Variants in TANC1 observed in about 807,000 individuals in gnomAD.
The protein encoded by TANC1 is protein TANC1.
A neutral mutation model predicts 149.7 loss-of-function variants in TANC1; 77 were observed. The observed-to-expected ratio is 0.51, with a 90% CI of 0.43 to 0.62. The LOEUF is 0.62. Among genes scored for constraint, TANC1 ranks in the 20% least tolerant of loss-of-function variants. TANC1 has a pLI of 0.00. For missense variants in TANC1, 1,985 were observed against 2,321.8 expected, an observed-to-expected ratio of 0.85 and a Z score of 2.98; for synonymous variants, 854 against 925.0, an observed-to-expected ratio of 0.92 and a Z score of 1.39.
At chr2:159,017,188 A>G (rs962205173) in intron 2 of TANC1, among the ~76,000 whole-genome samples, 1 of 152,172 alleles carries the variant, frequency 6.6e-6, no homozygotes, top group Non-Finnish European at 1.5e-5. Flanking sequence ...TTGAGGGTTT[A>G]TTATATGGGA....
rs945228929 is a variant in TANC1 at position 159,095,338 on chromosome 2, G to A, written c.62-2299G>A. ...TTAGTTTCCCAGGTTTATAAAAACC[G>A]TCCATGCATAGGTAACCCAGGAGAG... On this transcript the variant is annotated intron_variant, in intron 3 of 26. Coordinates refer to ENST00000263635, the MANE Select transcript of TANC1 (RefSeq NM_033394.3). Among the ~76,000 whole-genome samples, 13 of 152,290 alleles carry A rather than the reference G, an allele frequency of 8.5e-5. No individual in the cohort carries two copies. The South Asian group carries it at 1.9e-3, about 22-fold the overall frequency.
chr2:158,995,917 C>T lies in TANC1; in HGVS notation c.-125-5163C>T, dbSNP rs149069357. On this transcript the variant is annotated intron_variant, in intron 1 of 26. Coordinates refer to ENST00000263635, the MANE Select transcript of TANC1 (RefSeq NM_033394.3). Reference sequence around the variant, plus strand: ...CTGGCCTGGCTCAGCCGTGGGTGCACTCTGCCTGGTCCACAGAAACTGATT... The same window carrying T: ...CTGGCCTGGCTCAGCCGTGGGTGCATTCTGCCTGGTCCACAGAAACTGATT... 1.5e-4 allele frequency among the ~76,000 whole-genome samples: 23 copies of T among 152,380 alleles called. No homozygotes were observed. In the East Asian group the frequency reaches 4.2e-3, roughly 28 times the overall value.
chr2:159,005,342 G>A (rs928507511), intron 2 of TANC1, among the ~76,000 whole-genome samples: 57 of 152,248 alleles, frequency 3.7e-4, no homozygotes, highest in African/African-American at 1.3e-3. Flanking sequence ...TATAATCCGC[G>A]CACTTTGGGA....
chr2:159,006,288 T>C (rs771355562), intron 2 of TANC1, among the ~76,000 whole-genome samples: 1 of 132,390 alleles, frequency 7.6e-6, no homozygotes, highest in Non-Finnish European at 1.6e-5. Flanking sequence ...AGAGTGAGAC[T>C]TAGTCTCAAA....
At chr2:159,204,094 T>C (rs1424241993) in intron 19 of TANC1, among the ~76,000 whole-genome samples, 1 of 152,232 alleles carries the variant, frequency 6.6e-6, no homozygotes, top group African/African-American at 2.4e-5. Flanking sequence ...CTCATCTTAA[T>C]TTATCTAAAT....
chr2:159,140,457 C>A (rs895522766), intron 5 of TANC1, among the ~76,000 whole-genome samples: 10 of 152,066 alleles, frequency 6.6e-5, no homozygotes, highest in African/African-American at 2.4e-4. Context: ...AGTAGAGTAT[C>A]CATTCATTCT....
At position 159,196,461 on chromosome 2, in the gene TANC1, G is replaced by T. The variant is rs1014097112; in HGVS notation, c.2980-147G>T. Reference sequence around the variant, plus strand: ...CCATCTGGAAGTAATCCAGACTAAGGTTCCATGTTCTCCAGAAAGACAAGT... The same window carrying T: ...CCATCTGGAAGTAATCCAGACTAAGTTTCCATGTTCTCCAGAAAGACAAGT... On this transcript the variant is annotated intron_variant, in intron 17 of 26. Coordinates refer to ENST00000263635, the MANE Select transcript of TANC1 (RefSeq NM_033394.3). 109 of 625,500 alleles carry T rather than the reference G, an allele frequency of 1.7e-4. 1 individual carries two copies. The highest frequency in any genetic ancestry group is 2.5e-4 in the Non-Finnish European group (94 of 373,840). 38.7% of individuals were successfully genotyped at this position (625,500 alleles called of 1,614,324 possible).
At chr2:159,163,590 A>G in intron 8 of TANC1, 44 bp downstream of exon 8, 2 of 1,585,508 alleles carry the variant, frequency 1.3e-6, no homozygotes, top group South Asian at 1.2e-5. Flanking sequence ...CAGGGATACC[A>G]AGGTGCCCTG....
At chr2:159,158,069 A>G (rs1164927460) in intron 7 of TANC1, among the ~76,000 whole-genome samples, 1 of 152,172 alleles carries the variant, frequency 6.6e-6, no homozygotes, top group East Asian at 1.9e-4. Flanking sequence ...AGAGCAGTGT[A>G]GAGAGGCCGG....
intron 3 of TANC1, among the ~76,000 whole-genome samples, chr2:159,081,639 TTG>T (rs1030911013): frequency 2.0e-5 from 3 of 152,194 alleles, no homozygotes; most frequent in African/African-American, 7.2e-5. Flanking sequence ...AGTTTGGATT[TTG>T]TGTATGGGAG....
At chr2:159,080,089 C>T (rs960175505) in intron 3 of TANC1, among the ~76,000 whole-genome samples, 2 of 152,148 alleles carry the variant, frequency 1.3e-5, no homozygotes, top group African/African-American at 4.8e-5. Context: ...CTGCAACCCC[C>T]GGGACAAATG....
Position 158,998,245 on chromosome 2 carries a change from C to CA in TANC1, c.-125-2824dup, listed in dbSNP as rs1284681130. 3.2e-3 allele frequency among the ~76,000 whole-genome samples: 425 copies of CA among 132,852 alleles called. 2 individuals are homozygous for CA. The highest frequency in any genetic ancestry group is 9.6e-3 in the African/African-American group (343 of 35,796). The allele number at this position is 132,852 out of a possible 152,430, so 87.2% of individuals were successfully genotyped here. A position where few individuals can be genotyped will look rare whatever the true frequency, so the allele number is the denominator to read the frequency against. On this transcript the variant is annotated intron_variant, in intron 1 of 26. Transcript: ENST00000263635. Reference sequence around the variant, plus strand: ...TGGGGGACAGAGTGAGACCCTGTCTCAAAAAAAAAAAGAAAAAAGTTAAAA... The same window carrying CA: ...TGGGGGACAGAGTGAGACCCTGTCTCAAAAAAAAAAAAGAAAAAAGTTAAAA...
chr2:159,193,374 T>G (rs920237836), intron 16 of TANC1, among the ~76,000 whole-genome samples: 2 of 152,228 alleles, frequency 1.3e-5, no homozygotes, highest in Non-Finnish European at 2.9e-5. Flanking sequence ...TGATGAACAC[T>G]GAGGTTGCAT....
rs182284068 is a variant in TANC1, at chr2:159,202,353, A to T, written c.3244+3300A>T. On this transcript the variant is annotated intron_variant, in intron 19 of 26. Coordinates refer to ENST00000263635, the MANE Select transcript of TANC1 (RefSeq NM_033394.3). ...TTTAAGACGTTCATAAAAAATGGGA[A>T]CAGTATTTAGTTTAGGGTTTAGGGG... Among the ~76,000 whole-genome samples the T allele has an allele frequency of 3.5e-4, 53 of 152,268 alleles. No individual in the cohort carries two copies. The Middle Eastern group carries it at 0.017, about 49-fold the overall frequency.
Position 159,231,110 on chromosome 2 carries a change from A to G in TANC1, c.*98A>G. 1 of 1,080,424 alleles carries G rather than the reference A, an allele frequency of 9.3e-7. No homozygotes were observed. Among genetic ancestry groups the G allele is most frequent in the Non-Finnish European group, 1.3e-6 (1 of 763,970 alleles). 66.9% of individuals were successfully genotyped at this position (1,080,424 alleles called of 1,614,324 possible). A position where few individuals can be genotyped will look rare whatever the true frequency, so the allele number is the denominator to read the frequency against. ...TCATCAGAAAAATTATTTTTTAGCC[A>G]TTTTTTTTCTTTGGGGTGGATCTGA... On this transcript the variant is annotated 3_prime_UTR_variant, in exon 27 of 27. Coordinates refer to ENST00000263635, the MANE Select transcript of TANC1 (RefSeq NM_033394.3).
rs185140926 is a variant in TANC1, at chr2:158,994,549, A to G, written c.-125-6531A>G. Among the ~76,000 whole-genome samples, 11 of 152,324 alleles carry G rather than the reference A, an allele frequency of 7.2e-5. No individual in the cohort carries two copies. The East Asian group carries it at 2.1e-3, about 29-fold the overall frequency. ...GCTTCCCCAAGTGCTGGGATTACAG[A>G]TGTGAGCCACCGCACCTGCCTAGGG... On this transcript the variant is annotated intron_variant, in intron 1 of 26. Coordinates refer to ENST00000263635, the MANE Select transcript of TANC1 (RefSeq NM_033394.3).
intron 1 of TANC1, among the ~76,000 whole-genome samples, chr2:158,986,719 A>G (rs2035044999): frequency 1.3e-5 from 2 of 152,188 alleles, no homozygotes; most frequent in Non-Finnish European, 2.9e-5. Context: ...AACTCCTCAA[A>G]GAATAGGATG....
intron 2 of TANC1, among the ~76,000 whole-genome samples, chr2:159,055,436 C>G (rs946710522): frequency 6.6e-6 from 1 of 152,172 alleles, no homozygotes; most frequent in Non-Finnish European, 1.5e-5. Context: ...TCCCTATTCC[C>G]CCTACCCTCA....
At chr2:159,053,450 A>G (rs909198179) in intron 2 of TANC1, among the ~76,000 whole-genome samples, 6 of 152,188 alleles carry the variant, frequency 3.9e-5, no homozygotes, top group Non-Finnish European at 5.9e-5. Flanking sequence ...TGCTTTAGCT[A>G]TGGGAAGAGA....
Sources: gnomAD v4.1 joint callset for allele counts (sites outside exome capture counted in the v4.1 genomes callset) on GRCh38, gnomAD v4.1.1 for gene constraint, MANE v1.5 for transcripts, NCBI Gene and HGNC (gene_info 2026-07-23, HGNC 2026-07-21) for gene names.